The following CHD9 variants were observed in gnomAD, a reference collection of about 807,000 sequenced individuals.
The protein encoded by CHD9 is ATP-dependent chromatin remodeler CHD9.
Under a neutral mutation model 316.1 loss-of-function variants are expected in CHD9, and 77 were observed. That is an observed-to-expected ratio of 0.24 (90% confidence interval 0.20 to 0.29). The LOEUF (loss-of-function observed/expected upper bound fraction) is 0.29. Ranked by LOEUF, CHD9 falls within the 10% of genes least tolerant of loss-of-function variation. CHD9 has a pLI of 1.00. For synonymous variants in CHD9, 1,129 were observed against 1,158.3 expected (o/e 0.97, Z 0.51); for missense variants, 2,763 against 3,438.1 (o/e 0.80, Z 4.91).
intron 1 of CHD9, among the ~76,000 whole-genome samples, chr16:53,138,747 T>C (rs1424222035): frequency 6.6e-6 from 1 of 152,224 alleles, no homozygotes; most frequent in Admixed American, 6.5e-5. Context: ...GTCTAGAAGG[T>C]TAGTTACCTT....
intron 1 of CHD9, among the ~76,000 whole-genome samples, chr16:53,112,382 T>C (rs751042556): frequency 1.3e-5 from 2 of 152,080 alleles, no homozygotes; most frequent in Non-Finnish European, 2.9e-5. Flanking sequence ...ATAAGTGGGT[T>C]TTTCAATGTT....
At chr16:53,258,044 T>G (rs1250085813) in intron 19 of CHD9, among the ~76,000 whole-genome samples, 2 of 152,164 alleles carry the variant, frequency 1.3e-5, no homozygotes, top group African/African-American at 2.4e-5. Context: ...TGTTTTTAAT[T>G]AATGAAGGCA....
chr16:53,309,618 G>A (rs2056292085), intron 34 of CHD9, among the ~76,000 whole-genome samples: 1 of 152,060 alleles, frequency 6.6e-6, no homozygotes, highest in Admixed American at 6.6e-5. Context: ...ATTAGACATT[G>A]GTTTTAGTTT....
chr16:53,311,019 C>A (rs2153094975), intron 34 of CHD9: 1 of 151,902 alleles, frequency 6.6e-6, no homozygotes, highest in East Asian at 1.9e-4. Flanking sequence ...AGACCCATCT[C>A]TGAAAAAAAT....
intron 5 of CHD9, chr16:53,227,090 A>C (rs894270415): frequency 1.1e-4 from 26 of 233,566 alleles, no homozygotes; most frequent in African/African-American, 5.9e-4. Context: ...AAATTTCCTA[A>C]TCTGTAAAAT....
At chr16:53,070,569 C>A (rs1365954273) in intron 1 of CHD9, among the ~76,000 whole-genome samples, 1 of 144,914 alleles carries the variant, frequency 6.9e-6, no homozygotes, top group Admixed American at 7.1e-5. Flanking sequence ...TTCTGTCTTT[C>A]TTTTTTTTGG....
At chr16:53,274,718 C>G (rs572480722) in intron 24 of CHD9, among the ~76,000 whole-genome samples, 40 of 152,200 alleles carry the variant, frequency 2.6e-4, no homozygotes, top group African/African-American at 7.9e-4. Flanking sequence ...TTGGCCCCCC[C>G]ACAAAGTGCT....
At chr16:53,262,907 T>G in intron 19 of CHD9, 80 bp from the exon 20 acceptor site, 1 of 1,125,926 alleles carries the variant, frequency 8.9e-7, no homozygotes, top group Non-Finnish European at 1.3e-6. Context: ...TCAAATTCTA[T>G]CCATAGTAAA....
At chr16:53,116,190 G>T (rs986091524) in intron 1 of CHD9, among the ~76,000 whole-genome samples, 2 of 152,190 alleles carry the variant, frequency 1.3e-5, no homozygotes, top group African/African-American at 4.8e-5. Context: ...CTCCCGAGCA[G>T]CTGAGATTAC....
In CHD9 at chr16:53,285,606, G is replaced by A; in HGVS notation, c.4978G>A (p.Val1660Ile). 1 of 1,596,238 alleles carries A rather than the reference G, an allele frequency of 6.3e-7. No homozygotes were observed. The highest frequency in any genetic ancestry group is 1.7e-5 in the Admixed American group (1 of 57,624). ...FDGVDASDID[V>I]WVPEPDHSEV... is the part of the protein sequence containing the mutation. ...ATGATTTTTTTAAAGTGACATTGAT[G>A]TTTGGGTACCAGAACCAGACCACTC... Residue 1660 changes from valine (V) to isoleucine (I), a missense_variant, in exon 25 of 39, where the codon GTT (valine) becomes ATT (isoleucine). Coordinates refer to ENST00000447540, the MANE Select transcript of CHD9 (RefSeq NM_001308319.2).
intron 2 of CHD9, chr16:53,208,843 A>G (rs1013749037): frequency 1.4e-5 from 7 of 510,160 alleles, no homozygotes; most frequent in Non-Finnish European, 1.8e-5. Context: ...GTAAAACTGT[A>G]AAACTTGTTT....
At chr16:53,317,121 G>A (rs577575500) in intron 36 of CHD9, among the ~76,000 whole-genome samples, 2 of 148,522 alleles carry the variant, frequency 1.3e-5, no homozygotes, top group East Asian at 2.0e-4. Context: ...TCTTGAACCC[G>A]GGAGGCAGAG....
chr16:53,112,916 TG>T (rs537988824), intron 1 of CHD9, among the ~76,000 whole-genome samples: 242 of 152,232 alleles, frequency 1.6e-3, no homozygotes, highest in African/African-American at 5.6e-3. Flanking sequence ...GCAGGAGGAT[TG>T]CCTGAGTCTA....
chr16:53,146,419 G>GTGTGTGTGTGTATATATATA (rs1555492145), intron 1 of CHD9, among the ~76,000 whole-genome samples: 26 of 76,706 alleles, frequency 3.4e-4, no homozygotes, highest in East Asian at 2.1e-3. Context: ...GTGTGTGTAT[G>GTGTGTGTGTGTATATATATA]TATATATATA....
chr16:53,170,112 T>C (rs1474775760), intron 2 of CHD9, among the ~76,000 whole-genome samples: 1 of 151,788 alleles, frequency 6.6e-6, no homozygotes, highest in African/African-American at 2.4e-5. Context: ...TGGATCACAT[T>C]AAGACACATG....
intron 1 of CHD9, among the ~76,000 whole-genome samples, chr16:53,140,432 AAG>A (rs1369281194): frequency 6.6e-6 from 1 of 151,922 alleles, no homozygotes; most frequent in Non-Finnish European, 1.5e-5. Context: ...AAAAAAAAAA[AAG>A]AATATTTAGA....
In CHD9 at chr16:53,324,536, ACTGCTGCATTAAATACAG is replaced by A. The variant is rs1215134158; in HGVS notation, c.8340_8357del (p.Leu2782_Ala2787del). ...GTCAAGTTCTCCTTCCACATCCTCTACTGCTGCATTAAATACAGCTGCAGCTGCCAACCCATTAGCTCT... is the reference window on the plus strand; with the variant it reads ...GTCAAGTTCTCCTTCCACATCCTCTACTGCAGCTGCCAACCCATTAGCTCT... On this transcript the variant is annotated inframe_deletion, in exon 39 of 39. Transcript: ENST00000447540. 1 of 1,613,882 alleles carries A rather than the reference ACTGCTGCATTAAATACAG, an allele frequency of 6.2e-7. No individual in the cohort carries two copies. Among genetic ancestry groups the A allele is most frequent in the East Asian group, 2.2e-5 (1 of 44,880 alleles).
At chr16:53,286,406 T>G in intron 26 of CHD9, 63 bp downstream of exon 26, 1 of 846,762 alleles carries the variant, frequency 1.2e-6, no homozygotes, top group South Asian at 1.5e-5. Flanking sequence ...ATCAGCATAT[T>G]CTATGTCACA....
chr16:53,120,063 A>C (rs2038621359), intron 1 of CHD9, among the ~76,000 whole-genome samples: 1 of 88,066 alleles, frequency 1.1e-5, no homozygotes, highest in Non-Finnish European at 3.1e-5. Context: ...CCATCTCCAC[A>C]AAAAAAAAAA....
Sources: gnomAD v4.1 joint callset for allele counts (sites outside exome capture counted in the v4.1 genomes callset) on GRCh38, gnomAD v4.1.1 for gene constraint, MANE v1.5 for transcripts, NCBI Gene and HGNC (gene_info 2026-07-23, HGNC 2026-07-21) for gene names.